The following PROSER3 variants were observed in gnomAD, a reference collection of about 807,000 sequenced individuals.
PROSER3 encodes the protein proline and serine rich 3, also known as proline and serine-rich protein 3.
PROSER3 carries 33 observed loss-of-function variants against 50.2 expected under a neutral mutation model. The observed-to-expected ratio is 0.66, with a 90% confidence interval of 0.50 to 0.88. The LOEUF is 0.88. Among genes scored for constraint, PROSER3 ranks in the 40% least tolerant of loss-of-function variants. The pLI is 0.00. For missense variants in PROSER3, 623 were observed against 612.7 expected, an observed-to-expected ratio of 1.02 and a Z score of -0.18; for synonymous variants, 266 against 259.3, an observed-to-expected ratio of 1.03 and a Z score of -0.25.
At chr19:35,765,828 C>T (rs1971123144) in intron 7 of PROSER3, among the ~76,000 whole-genome samples, 1 of 152,104 alleles carries the variant, frequency 6.6e-6, no homozygotes, top group African/African-American at 2.4e-5. Flanking sequence ...ATGGGCCATT[C>T]GTTATGCCCA....
At chr19:35,762,214 A>T (rs1555742094) in intron 4 of PROSER3, 39 bp from the exon 5 acceptor site, 2 of 1,596,366 alleles carry the variant, frequency 1.3e-6, no homozygotes, top group South Asian at 2.2e-5. Flanking sequence ...CCCAGCAGCC[A>T]CTCCTCCTGG....
rs373235862 is a variant in PROSER3 at position 35,759,387 on chromosome 19, T to G, written c.25T>G (p.Ser9Ala). 3.7e-6 allele frequency: 6 copies of G among 1,613,396 alleles called. No homozygotes were observed. In the African/African-American group the frequency reaches 8.0e-5, roughly 22 times the overall value. ...TTCCTCTTGCAGCCTGCCAGTTTTC[T>G]CCATTCAAGATAGTCCCTTTGGAGA... is the stretch of plus-strand genomic sequence containing the variant. Residue 9 changes from serine to alanine, a missense_variant, in exon 2 of 11, where the codon TCC becomes GCC. Physicochemically the swap from Ser to Ala is moderately conservative, Grantham distance 99. Transcript: ENST00000396908.
intron 8 of PROSER3, chr19:35,767,498 C>T (rs909280594): frequency 4.7e-6 from 2 of 421,898 alleles, no homozygotes; most frequent in Non-Finnish European, 8.5e-6. Context: ...CCCCCAGGGC[C>T]TGCCCATCCC....
intron 7 of PROSER3, among the ~76,000 whole-genome samples, chr19:35,766,020 G>GTA (rs768162584): frequency 1.3e-5 from 2 of 152,172 alleles, no homozygotes. Flanking sequence ...GGGTTCTTAA[G>GTA]TACGAGAGGC....
rs756131133 is a variant in PROSER3 at position 35,762,265 on chromosome 19, A to G, written c.452A>G (p.Lys151Arg). 153 of 1,611,454 alleles carry G rather than the reference A, an allele frequency of 9.5e-5. No homozygotes were observed. The highest frequency in any genetic ancestry group is 1.2e-4 in the Non-Finnish European group (146 of 1,178,254). ...TGGGGCTTCTCAGCAGGAGCCAACA[A>G]ACCAGAAGGAAGACCCCATACAGCT... The change falls in exon 5 of 11, where the codon AAA becomes AGA. Residue 151 changes from lysine (K) to arginine (R), a missense_variant. Lys to Arg is a conservative substitution (Grantham distance 26). Around this residue, in one of 3 missense-constraint regions of PROSER3, gnomAD observed 236 missense variants for 243.6 expected, o/e 0.97. Transcript: ENST00000396908.
chr19:35,767,775 C>G (rs369033179), intron 8 of PROSER3: 128 of 1,596,006 alleles, frequency 8.0e-5, no homozygotes, highest in Admixed American at 2.7e-4. Context: ...GTCACTCCCC[C>G]TCCATCTGAA....
intron 3 of PROSER3, among the ~76,000 whole-genome samples, chr19:35,761,040 C>T (rs1970939694): frequency 6.6e-6 from 1 of 152,214 alleles, no homozygotes; most frequent in African/African-American, 2.4e-5. Flanking sequence ...GTGTCAGGGA[C>T]ACAGGTTACT....
chr19:35,767,910 T>A, exon 9 of PROSER3: 1 of 1,612,572 alleles, frequency 6.2e-7, no homozygotes, highest in Non-Finnish European at 8.5e-7. Context: ...GAGGTCCCAC[T>A]CTCTCCAGCT....
intron 9 of PROSER3, 27 bp downstream of exon 9, chr19:35,768,092 GGAGGCAGGCCAGCCCCCTAA>G (rs1361194329): frequency 1.3e-6 from 2 of 1,591,768 alleles, no homozygotes; most frequent in South Asian, 1.1e-5. Flanking sequence ...CCTGGATGTT[GGAGGCAGGCCAGCCCCCTAA>G]GAGGCCGGCC....
chr19:35,770,418 C>G (rs1971296491), downstream of PROSER3, among the ~76,000 whole-genome samples: 1 of 127,312 alleles, frequency 7.9e-6, no homozygotes. Context: ...TCATCACCTC[C>G]TCTCTGGACT....
downstream of PROSER3, chr19:35,769,612 C>T (rs1203663764): frequency 6.6e-6 from 1 of 152,406 alleles, no homozygotes; most frequent in Non-Finnish European, 1.5e-5. Flanking sequence ...GGCCCCCCCT[C>T]CCCAACTTTC....
exon 3 of PROSER3, chr19:35,759,948 C>T (rs1970901873): frequency 1.9e-6 from 3 of 1,606,862 alleles, no homozygotes; most frequent in East Asian, 2.2e-5. Context: ...GTGGGCCTCC[C>T]CAGCACCCAC....
chr19:35,769,673 A>G (rs1428949722), downstream of PROSER3: 1 of 151,924 alleles, frequency 6.6e-6, no homozygotes, highest in African/African-American at 2.4e-5. Context: ...GTTGTCTTTG[A>G]CTTCTGTCTT....
chr19:35,770,237 C>T (rs147036220), downstream of PROSER3, among the ~76,000 whole-genome samples: 44 of 152,132 alleles, frequency 2.9e-4, no homozygotes, highest in African/African-American at 8.4e-4. Flanking sequence ...GAGGTTTCAC[C>T]ATGTTGGCCA....
chr19:35,759,427 G>A (rs1320965759), exon 2 of PROSER3: 5 of 1,613,222 alleles, frequency 3.1e-6, no homozygotes, highest in Non-Finnish European at 4.2e-6. Flanking sequence ...CCCCTGGGTC[G>A]AAGCCACTAC....
Position 35,762,730 on chromosome 19 carries a change from TAAA to T in PROSER3, c.543+393_543+395del, listed in dbSNP as rs35934536. Reference sequence around the variant, plus strand: ...AGTAGAGCAAGACCCTGTCTCTATTTAAAAAAAAAAAAAAAAAAAAAGCCTGGG... The same window carrying T: ...AGTAGAGCAAGACCCTGTCTCTATTTAAAAAAAAAAAAAAAAAAGCCTGGG... On this transcript the variant is annotated intron_variant, in intron 5 of 10. Transcript: ENST00000396908. 24 of 100,700 alleles carry T rather than the reference TAAA, an allele frequency of 2.4e-4. 1 individual carries two copies. The highest frequency in any genetic ancestry group is 3.4e-4 in the Admixed American group (3 of 8,776). The allele number at this position is 100,700 out of a possible 1,614,324, so 6.2% of individuals were successfully genotyped here.
At chr19:35,759,415 C>A (rs1970879445) in exon 2 of PROSER3, 5 of 1,613,408 alleles carry the variant, frequency 3.1e-6, no homozygotes, top group South Asian at 1.1e-5. Context: ...TTTGGAGATG[C>A]GCCCCTGGGT....
At chr19:35,758,330 C>T in intron 1 of PROSER3, 104 bp downstream of exon 1, 5 of 1,370,524 alleles carry the variant, frequency 3.6e-6, no homozygotes, top group Non-Finnish European at 4.8e-6. Context: ...GTCGCTAGGG[C>T]TCCACCGCAC....
At chr19:35,768,567 C>T in exon 11 of PROSER3, 2 of 1,542,540 alleles carry the variant, frequency 1.3e-6, no homozygotes, top group Non-Finnish European at 1.7e-6. Context: ...TCTATTTTAC[C>T]CAGTGAGGCT....
Sources: allele counts gnomAD v4.1 joint callset (sites outside exome capture counted in the v4.1 genomes callset), GRCh38; gene constraint gnomAD v4.1.1; regional missense constraint gnomAD v4.1.1; transcripts MANE v1.5; gene names NCBI Gene and HGNC (gene_info 2026-07-23, HGNC 2026-07-21).